Variants in SMYD2 observed in about 807,000 individuals in gnomAD.
SMYD2 encodes the protein N-lysine methyltransferase SMYD2.
In SMYD2, 53 loss-of-function variants were observed where a neutral mutation model predicts 59.1. The observed-to-expected ratio is 0.90, with a 90% CI of 0.72 to 1.13. The LOEUF (loss-of-function observed/expected upper bound fraction) is 1.13, where lower values mean the gene tolerates loss of function less well. Among genes scored for constraint, SMYD2 ranks in the 50% most tolerant of loss-of-function variants. The pLI is 0.00. For missense variants in SMYD2, 494 were observed against 544.7 expected (o/e 0.91, Z 0.93); for synonymous variants, 208 against 198.8 (o/e 1.05, Z -0.39).
intron 1 of SMYD2, among the ~76,000 whole-genome samples, chr1:214,283,886 G>T (rs1341935687): frequency 6.6e-6 from 1 of 152,136 alleles, no homozygotes; most frequent in Non-Finnish European, 1.5e-5. Flanking sequence ...ATTGTATCAG[G>T]ATCTAACTTT....
At chr1:214,323,355 A>G (rs1479150072) in intron 5 of SMYD2, among the ~76,000 whole-genome samples, 1 of 152,202 alleles carries the variant, frequency 6.6e-6, no homozygotes, top group East Asian at 1.9e-4. Flanking sequence ...TTAGGCATGT[A>G]TAGTCCTCAT....
intron 1 of SMYD2, among the ~76,000 whole-genome samples, chr1:214,283,555 T>A (rs1656482193): frequency 6.6e-6 from 1 of 152,252 alleles, no homozygotes; most frequent in Non-Finnish European, 1.5e-5. Flanking sequence ...ATGATTTCTA[T>A]TAAATCTGAA....
intron 1 of SMYD2, among the ~76,000 whole-genome samples, chr1:214,301,231 A>G (rs1458503623): frequency 1.3e-5 from 2 of 152,168 alleles, no homozygotes; most frequent in Non-Finnish European, 2.9e-5. Flanking sequence ...ATAGATACGT[A>G]ATTGGTAAGA....
rs181589972 is a variant in SMYD2, at chr1:214,321,983, T to C, written c.535-2658T>C. Among the ~76,000 whole-genome samples the C allele has an allele frequency of 9.5e-4, 145 of 152,222 alleles. 1 individual carries two copies. Among genetic ancestry groups the C allele is most frequent in the Middle Eastern group, 6.8e-3 (2 of 294 alleles). On this transcript the variant is annotated intron_variant, in intron 5 of 11. Transcript: ENST00000366957. ...AAGAAACACAAGCAGTCTTCCACAGTAAGAGGAGCCGGGAAGGGAATAAAG... is the reference window on the plus strand; with the variant it reads ...AAGAAACACAAGCAGTCTTCCACAGCAAGAGGAGCCGGGAAGGGAATAAAG...
chr1:214,328,609 T>A (rs1477771219), intron 7 of SMYD2, among the ~76,000 whole-genome samples: 6 of 152,234 alleles, frequency 3.9e-5, no homozygotes, highest in Admixed American at 3.9e-4. Flanking sequence ...TAGCAATTTG[T>A]AATGCTATTT....
At chr1:214,305,589 G>A (rs1191142802) in intron 2 of SMYD2, among the ~76,000 whole-genome samples, 7 of 152,156 alleles carry the variant, frequency 4.6e-5, no homozygotes, top group Non-Finnish European at 4.4e-5. Context: ...AGTTTTTAAC[G>A]TTTTTATTGT....
In SMYD2 at chr1:214,327,832, C is replaced by T. The variant is rs889185350; in HGVS notation, c.705+108C>T. 1.1e-5 allele frequency: 10 copies of T among 916,182 alleles called. No individual in the cohort carries two copies. In the Admixed American group the frequency reaches 1.2e-4, roughly 11 times the overall value. The allele number at this position is 916,182 out of a possible 1,614,324, so 56.8% of individuals were successfully genotyped here. Reference sequence around the variant, plus strand: ...CACTTGACAGTATGAGTTGTGAATGCCTCCAGCAGTTTAGCTGAGTCTGCC... The same window carrying T: ...CACTTGACAGTATGAGTTGTGAATGTCTCCAGCAGTTTAGCTGAGTCTGCC... On this transcript the variant is annotated intron_variant, in intron 7 of 11. Coordinates refer to ENST00000366957, the MANE Select transcript of SMYD2 (RefSeq NM_020197.3).
intron 2 of SMYD2, 125 bp from the exon 3 acceptor site, chr1:214,314,637 G>C (rs370195851): frequency 1.1e-5 from 7 of 662,582 alleles, no homozygotes; most frequent in South Asian, 2.0e-5. Flanking sequence ...GAGCATCCTC[G>C]TGTTTTCCAA....
intron 2 of SMYD2, among the ~76,000 whole-genome samples, chr1:214,305,660 A>T (rs1447921907): frequency 6.6e-6 from 1 of 152,152 alleles, no homozygotes; most frequent in East Asian, 1.9e-4. Context: ...TTTGAACCTA[A>T]CCTGCTTGCA....
In SMYD2 at chr1:214,305,261, G is replaced by C. The variant is rs367815952; in HGVS notation, c.237+11G>C. On this transcript the variant is annotated intron_variant, in intron 2 of 11. Coordinates refer to ENST00000366957, the MANE Select transcript of SMYD2 (RefSeq NM_020197.3). ...AATGTGGAGTGTCAGGTAGGTGCTG[G>C]GCCATTGGCAGGGAGGGCCTAATTT... 1 of 1,613,574 alleles carries C rather than the reference G, an allele frequency of 6.2e-7. No homozygotes were observed. The highest frequency in any genetic ancestry group is 8.5e-7 in the Non-Finnish European group (1 of 1,179,648).
intron 7 of SMYD2, among the ~76,000 whole-genome samples, chr1:214,328,220 G>A (rs1657293882): frequency 6.6e-6 from 1 of 152,140 alleles, no homozygotes; most frequent in African/African-American, 2.4e-5. Flanking sequence ...TAAAGAGCTG[G>A]CACTCCAAGG....
At chr1:214,323,419 G>C (rs114749852) in intron 5 of SMYD2, among the ~76,000 whole-genome samples, 122 of 152,150 alleles carry the variant, frequency 8.0e-4, no homozygotes, top group African/African-American at 2.8e-3. Context: ...GTTGCCCTTG[G>C]TATTTTTCTA....
chr1:214,324,350 G>T (rs1226331686), intron 5 of SMYD2, among the ~76,000 whole-genome samples: 1 of 152,162 alleles, frequency 6.6e-6, no homozygotes, highest in Non-Finnish European at 1.5e-5. Context: ...CCATGCAAGT[G>T]TGCAAACGTC....
intron 7 of SMYD2, among the ~76,000 whole-genome samples, chr1:214,328,742 A>G (rs893430920): frequency 6.6e-6 from 1 of 152,230 alleles, no homozygotes; most frequent in Non-Finnish European, 1.5e-5. Flanking sequence ...TGGGAGCTGA[A>G]GCCCAAGATG....
intron 1 of SMYD2, among the ~76,000 whole-genome samples, chr1:214,286,059 C>T (rs1017670387): frequency 4.6e-5 from 7 of 152,172 alleles, no homozygotes; most frequent in African/African-American, 7.2e-5. Flanking sequence ...CAGTAGAAAC[C>T]GCAAAGCAGG....
chr1:214,308,021 A>G (rs922206659), intron 2 of SMYD2, among the ~76,000 whole-genome samples: 2 of 152,252 alleles, frequency 1.3e-5, no homozygotes, highest in African/African-American at 4.8e-5. Context: ...GCAAGGCTGC[A>G]GGCCAAGAGA....
At chr1:214,302,375 A>G (rs1480500976) in intron 1 of SMYD2, among the ~76,000 whole-genome samples, 10 of 151,712 alleles carry the variant, frequency 6.6e-5, no homozygotes, top group Admixed American at 2.6e-4. Context: ...CTGAGCTTTG[A>G]TTTACGCTTA....
chr1:214,292,086 G>GT (rs1656643982), intron 1 of SMYD2, among the ~76,000 whole-genome samples: 1 of 95,606 alleles, frequency 1.0e-5, no homozygotes, highest in Non-Finnish European at 2.2e-5. Context: ...ATATTTTCTA[G>GT]GGTGAGAGAG....
rs1657403273 is a variant in SMYD2, at chr1:214,334,317, G to A, written c.1221+9G>A. 6.2e-7 allele frequency: 1 copy of A among 1,611,906 alleles called. No homozygotes were observed. The highest frequency in any genetic ancestry group is 1.3e-5 in the African/African-American group (1 of 74,908). On this transcript the variant is annotated intron_variant, in intron 11 of 11. Transcript: ENST00000366957. ...AGAAAGCCCTGAAGAAGGTATGTCT[G>A]TAACTCGGCCTTAGGATTCCCAGTG... is the stretch of plus-strand genomic sequence containing the variant.
Sources: gnomAD v4.1 joint callset for allele counts (sites outside exome capture counted in the v4.1 genomes callset) on GRCh38, gnomAD v4.1.1 for gene constraint, MANE v1.5 for transcripts, NCBI Gene and HGNC (gene_info 2026-07-23, HGNC 2026-07-21) for gene names.